The following CNTNAP3B variants were observed in gnomAD, a reference collection of about 807,000 sequenced individuals.
The protein encoded by CNTNAP3B is contactin-associated protein-like 3B.
In CNTNAP3B, 25 loss-of-function variants were observed where a neutral mutation model predicts 108.9. That is an observed-to-expected ratio of 0.23 (90% CI 0.17 to 0.32). The LOEUF (loss-of-function observed/expected upper bound fraction) is 0.32, where lower values mean the gene tolerates loss of function less well. CNTNAP3B is among the 10% of genes least tolerant of loss of function. The probability of loss-of-function intolerance (pLI) is 1.00; values close to 1 mark genes in which losing one functional copy is unlikely to be tolerated. For missense variants in CNTNAP3B, 252 were observed against 1,210.4 expected (o/e 0.21, Z 11.75); for synonymous variants, 103 against 473.4 (o/e 0.22, Z 10.16).
chr9:42,054,075 C>A (rs1005971339), intron 3 of CNTNAP3B, among the ~76,000 whole-genome samples: 1 of 150,470 alleles, frequency 6.6e-6, no homozygotes, highest in African/African-American at 2.5e-5. Flanking sequence ...AAATATTAAG[C>A]TTTACATCAT....
intron 3 of CNTNAP3B, among the ~76,000 whole-genome samples, chr9:42,028,751 A>T (rs1436365665): frequency 6.7e-6 from 1 of 150,176 alleles, no homozygotes; most frequent in Non-Finnish European, 1.5e-5. Flanking sequence ...GAAGTTTGGC[A>T]TTTTTATATA....
chr9:41,968,875 C>T (rs865966367), intron 10 of CNTNAP3B, among the ~76,000 whole-genome samples: 272 of 151,468 alleles, frequency 1.8e-3, no homozygotes, highest in African/African-American at 6.3e-3. Flanking sequence ...TCATTCACTG[C>T]AAGCTCCGCC....
At chr9:41,933,591 T>C (rs1270637990) in intron 14 of CNTNAP3B, among the ~76,000 whole-genome samples, 2 of 152,296 alleles carry the variant, frequency 1.3e-5, no homozygotes, top group Non-Finnish European at 2.9e-5. Context: ...TTATAGAAAT[T>C]CAAGTAATTC....
At chr9:42,035,781 C>T in intron 3 of CNTNAP3B, among the ~76,000 whole-genome samples, 1 of 150,592 alleles carries the variant, frequency 6.6e-6, no homozygotes, top group Admixed American at 6.6e-5. Flanking sequence ...CATTAGCCTC[C>T]TGAGCAGCTG....
intron 14 of CNTNAP3B, among the ~76,000 whole-genome samples, chr9:41,934,140 T>TACACACACATATATACACAC (rs1252758391): frequency 8.8e-6 from 1 of 113,374 alleles, no homozygotes. Flanking sequence ...CATATATATA[T>TACACACACATATATACACAC]ACACACACAT....
At chr9:41,934,122 T>TATATATATATATATATATATACATAC (rs1214326050) in intron 14 of CNTNAP3B, among the ~76,000 whole-genome samples, 1 of 73,462 alleles carries the variant, frequency 1.4e-5, no homozygotes, top group African/African-American at 5.9e-5. Context: ...TATATATATA[T>TATATATATATATATATATATACATAC]ACACACACAT....
intron 14 of CNTNAP3B, among the ~76,000 whole-genome samples, chr9:41,932,764 C>G (rs1265603990): frequency 2.2e-4 from 33 of 151,964 alleles, no homozygotes; most frequent in Admixed American, 2.2e-3. Flanking sequence ...ATGATCTGCC[C>G]GCCTTGGCCT....
intron 4 of CNTNAP3B, among the ~76,000 whole-genome samples, chr9:42,010,406 G>T (rs1826112149): frequency 1.3e-5 from 2 of 148,472 alleles, no homozygotes; most frequent in Admixed American, 6.7e-5. Flanking sequence ...GAAGAATACA[G>T]AATTTCGTGA....
At chr9:42,086,398 AT>A (rs71496358) in intron 2 of CNTNAP3B, among the ~76,000 whole-genome samples, 1 of 100,070 alleles carries the variant, frequency 1.0e-5, no homozygotes, top group East Asian at 3.2e-4. Context: ...ATATATATAA[AT>A]TTTTTTTACA....
intron 12 of CNTNAP3B, among the ~76,000 whole-genome samples, chr9:41,958,661 G>C (rs1294138607): frequency 1.3e-5 from 2 of 151,852 alleles, no homozygotes; most frequent in African/African-American, 4.8e-5. Flanking sequence ...GATGGCCAGA[G>C]GTGGGTAATT....
At position 41,943,962 on chromosome 9, in the gene CNTNAP3B, C is replaced by T. The variant is rs1451004310; in HGVS notation, c.2081-5562G>A. ...AACCAGAGTAAAATAAAACACCTTA[C>T]CTACATAGGAGCAAGAATGAGAATT... On this transcript the variant is annotated intron_variant, in intron 13 of 23. Coordinates refer to ENST00000377561, the MANE Select transcript of CNTNAP3B (RefSeq NM_001201380.3). 3.3e-5 allele frequency among the ~76,000 whole-genome samples: 5 copies of T among 152,322 alleles called. No homozygotes were observed. The East Asian group carries it at 7.7e-4, about 23-fold the overall frequency.
At chr9:41,968,809 T>TA in intron 10 of CNTNAP3B, among the ~76,000 whole-genome samples, 1 of 149,386 alleles carries the variant, frequency 6.7e-6, no homozygotes, top group South Asian at 2.1e-4. Flanking sequence ...AACTTTTTTT[T>TA]TTTTTTTGAG....
At chr9:42,121,878 T>C (rs1243233339) in intron 1 of CNTNAP3B, among the ~76,000 whole-genome samples, 3 of 140,454 alleles carry the variant, frequency 2.1e-5, no homozygotes, top group Non-Finnish European at 4.6e-5. Flanking sequence ...TCTGCCAGTT[T>C]GTTTCATGGT....
intron 12 of CNTNAP3B, among the ~76,000 whole-genome samples, chr9:41,957,691 T>C (rs1374050458): frequency 3.9e-5 from 6 of 152,166 alleles, no homozygotes. Flanking sequence ...TTATAGTTGT[T>C]TAAAGTCCTG....
At chr9:42,035,686 T>C (rs1393787479) in intron 3 of CNTNAP3B, among the ~76,000 whole-genome samples, 3 of 151,056 alleles carry the variant, frequency 2.0e-5, no homozygotes, top group Admixed American at 6.6e-5. Flanking sequence ...GAGACAGGGT[T>C]TCATTCTATC....
chr9:42,106,104 C>A (rs1828087344), intron 1 of CNTNAP3B, among the ~76,000 whole-genome samples: 1 of 11,958 alleles, frequency 8.4e-5, no homozygotes, highest in South Asian at 2.5e-3. Context: ...ACATAATTTG[C>A]CTGAGTGAAT....
Position 42,031,012 on chromosome 9 carries a change from G to T in CNTNAP3B, c.391-17487C>A, listed in dbSNP as rs1288821206. The stretch of plus-strand genomic sequence containing the variant: ...TTTTGCTAGACATCTCTAGCAAAAT[G>T]AAGTAATTCTCTCCAGGTTTGAGTC... On this transcript the variant is annotated intron_variant, in intron 3 of 23. Transcript: ENST00000377561. Among the ~76,000 whole-genome samples the T allele has an allele frequency of 3.8e-5, 4 of 104,310 alleles. No individual in the cohort carries two copies. The East Asian group carries it at 1.3e-3, about 33-fold the overall frequency. The allele number at this position is 104,310 out of a possible 152,430, so 68.4% of individuals were successfully genotyped here.
intron 12 of CNTNAP3B, among the ~76,000 whole-genome samples, chr9:41,957,676 A>G (rs1344679092): frequency 1.4e-4 from 21 of 151,870 alleles, no homozygotes; most frequent in Non-Finnish European, 2.8e-4. Flanking sequence ...CTTTTTCCAT[A>G]TTAATTATAG....
intron 4 of CNTNAP3B, among the ~76,000 whole-genome samples, chr9:41,999,645 G>T (rs1230451171): frequency 4.5e-5 from 4 of 87,986 alleles, no homozygotes; most frequent in Non-Finnish European, 8.7e-5. Context: ...TTGTTTTCTT[G>T]GATGCTTTGT....
Sources: allele counts gnomAD v4.1 joint callset (sites outside exome capture counted in the v4.1 genomes callset), GRCh38; gene constraint gnomAD v4.1.1; transcripts MANE v1.5; gene names NCBI Gene and HGNC (gene_info 2026-07-23, HGNC 2026-07-21).